OCRL: variants seen among roughly 807,000 people sequenced by gnomAD.
OCRL encodes the protein OCRL inositol polyphosphate-5-phosphatase.
Under a neutral mutation model 78.9 loss-of-function variants are expected in OCRL, and 8 were observed. The observed-to-expected ratio is 0.10, with a 90% CI of 0.06 to 0.18. OCRL has a LOEUF of 0.18. Among genes scored for constraint, OCRL ranks in the 10% least tolerant of loss-of-function variants. OCRL has a pLI of 1.00. For synonymous variants in OCRL, 240 were observed against 235.4 expected (o/e 1.02, Z -0.18); for missense variants, 454 against 696.7 (o/e 0.65, Z 3.92).
intron 8 of OCRL, 115 bp from the exon 9 acceptor site, chrX:129,560,435 A>T: frequency 2.1e-6 from 1 of 467,337 alleles, no homozygotes. Context: ...AAACATTTTG[A>T]GGAATTATGT....
At chrX:129,586,634 A>G (rs925749173) in intron 19 of OCRL, among the ~76,000 whole-genome samples, 5 of 112,308 alleles carry the variant, frequency 4.5e-5, no homozygotes, top group Non-Finnish European at 9.4e-5. Context: ...TGTATTGACA[A>G]TTGTAATTTA....
At chrX:129,584,231 C>A in intron 18 of OCRL, 113 bp from the exon 19 acceptor site, 2 of 606,827 alleles carry the variant, frequency 3.3e-6, no homozygotes, top group Non-Finnish European at 5.6e-6. Flanking sequence ...CTGTTTAAAG[C>A]ATGTATATCT....
chrX:129,554,983 AT>A lies in OCRL; in HGVS notation c.239-2341del, dbSNP rs1467346240. 5.0e-3 allele frequency among the ~76,000 whole-genome samples: 525 copies of A among 106,017 alleles called. 1 individual carries two copies. Among genetic ancestry groups the A allele is most frequent in the Middle Eastern group, 0.015 (3 of 205 alleles). 92.1% of individuals were successfully genotyped at this position (106,017 alleles called of 115,157 possible). On this transcript the variant is annotated intron_variant, in intron 4 of 23. Transcript: ENST00000371113. ...AATAAATAAATAAATAAATAAATAA[AT>A]AAATAAATAAATAAATAAAAATAAG...
At chrX:129,572,134 A>T (rs1303370378) in intron 15 of OCRL, among the ~76,000 whole-genome samples, 1 of 112,539 alleles carries the variant, frequency 8.9e-6, no homozygotes, top group Non-Finnish European at 1.9e-5. Flanking sequence ...TCACTATTGT[A>T]CTGGACAGTG....
intron 9 of OCRL, 34 bp from the exon 10 acceptor site, chrX:129,561,145 A>T: frequency 1.1e-6 from 1 of 885,449 alleles, no homozygotes; most frequent in Non-Finnish European, 1.7e-6. Context: ...TAATTATGGG[A>T]TATGTATAGA....
intron 18 of OCRL, among the ~76,000 whole-genome samples, chrX:129,581,824 T>C (rs1464162789): frequency 1.1e-5 from 1 of 93,003 alleles, no homozygotes; most frequent in Non-Finnish European, 2.0e-5. Context: ...GAATGATCCC[T>C]TTGTCTTTCT....
At chrX:129,573,396 G>T (rs933730704) in intron 15 of OCRL, among the ~76,000 whole-genome samples, 15 of 110,650 alleles carry the variant, frequency 1.4e-4, no homozygotes, top group African/African-American at 4.3e-4. Flanking sequence ...CCACTACCCC[G>T]AGTGGCCTGG....
chrX:129,541,924 T>A (rs1223938580), intron 2 of OCRL, among the ~76,000 whole-genome samples: 1 of 112,312 alleles, frequency 8.9e-6, no homozygotes, highest in Admixed American at 9.5e-5. Context: ...TAGTCAGCTC[T>A]ACTGGGAAGT....
In OCRL at chrX:129,560,627, A is replaced by G. The variant is rs759321277; in HGVS notation, c.800A>G (p.Asn267Ser). ...GAACCTTGGCTGAACTGTGATCCCA[A>G]TCCTCCTGATATCTACTGCATTGGG... ...GLEPWLNCDP[N>S]PPDIYCIGFQ... is the part of the protein sequence containing the mutation. The change falls in exon 9 of 24, where the codon AAT becomes AGT. Residue 267 changes from asparagine to serine, a missense_variant. Asn to Ser is a conservative substitution (Grantham distance 46). This residue lies in a region of OCRL where 277 missense variants were observed against 517.1 expected (regional missense o/e 0.54). Coordinates refer to ENST00000371113, the MANE Select transcript of OCRL (RefSeq NM_000276.4). The G allele has an allele frequency of 7.6e-6, 9 of 1,184,758 alleles. No individual in the cohort carries two copies. The highest frequency in any genetic ancestry group is 2.2e-5 in the Admixed American group (1 of 45,954).
At position 129,558,941 on chromosome X, in the gene OCRL, G is replaced by T. The variant is rs754471412; in HGVS notation, c.662G>T (p.Gly221Val). ...AATACCCAATCTGGGCAGCGGGAGG[G>T]TCTCATCAAACATATCCTGGCAAAG... is the stretch of plus-strand genomic sequence containing the variant. Reference protein sequence around the residue: ...VPNTQSGQREGLIKHILAKRE... With the variant: ...VPNTQSGQREVLIKHILAKRE... Residue 221 changes from glycine (G) to valine (V), a missense_variant, in exon 8 of 24, where the codon GGT (glycine) becomes GTT (valine). This residue lies in a region of OCRL where 177 missense variants were observed against 179.6 expected (regional missense o/e 0.99). Transcript: ENST00000371113. 2 of 1,211,329 alleles carry T rather than the reference G, an allele frequency of 1.7e-6. No individual in the cohort carries two copies.
At chrX:129,540,518 G>A (rs1158255083) in intron 1 of OCRL, 40 bp downstream of exon 1, 2 of 821,711 alleles carry the variant, frequency 2.4e-6, no homozygotes, top group East Asian at 3.6e-5. Context: ...GCCGCGCAGG[G>A]CCGGGGGTGG....
intron 5 of OCRL, 102 bp from the exon 6 acceptor site, chrX:129,557,759 G>A: frequency 1.6e-6 from 1 of 621,720 alleles, no homozygotes; most frequent in Non-Finnish European, 2.8e-6. Flanking sequence ...AATGGTGCTG[G>A]CCCCTGCATA....
chrX:129,559,146 C>G, intron 8 of OCRL, 145 bp downstream of exon 8: 4 of 531,465 alleles, frequency 7.5e-6, no homozygotes, highest in Non-Finnish European at 1.2e-5. Context: ...TGTCTCTATG[C>G]TGGCCAATAA....
In OCRL at chrX:129,581,233, C is replaced by T. The variant is rs904983003; in HGVS notation, c.2116-3111C>T. 7.7e-4 allele frequency among the ~76,000 whole-genome samples: 87 copies of T among 112,364 alleles called. 1 individual carries two copies. The highest frequency in any genetic ancestry group is 1.9e-4 in the Non-Finnish European group (10 of 53,286). Reference sequence around the variant, plus strand: ...TCTTTTATTTTAGCTGCATTTACCACGGGGAACAGTCTTCTGAGGGTGAAT... The same window carrying T: ...TCTTTTATTTTAGCTGCATTTACCATGGGGAACAGTCTTCTGAGGGTGAAT... On this transcript the variant is annotated intron_variant, in intron 18 of 23. Transcript: ENST00000371113.
rs746244009 is a variant in OCRL at position 129,540,378 on chromosome X, G to A, written c.-62G>A. ...CGAGGTGGGTGGGTGTGGGGACGCG[G>A]GAGCCAGTGTCGTCGGATCGGCCCG... On this transcript the variant is annotated 5_prime_UTR_variant, in exon 1 of 24. Transcript: ENST00000371113. The A allele has an allele frequency of 1.8e-6, 2 of 1,105,451 alleles. No individual in the cohort carries two copies. Among genetic ancestry groups the A allele is most frequent in the Non-Finnish European group, 2.4e-6 (2 of 828,640 alleles). The allele number at this position is 1,105,451 out of a possible 1,213,427, so 91.1% of individuals were successfully genotyped here.
At position 129,591,742 on chromosome X, in the gene OCRL, A is replaced by G. The variant is rs753823884; in HGVS notation, c.*1472A>G. The G allele has an allele frequency of 1.8e-5, 2 of 111,269 alleles. No homozygotes were observed. The highest frequency in any genetic ancestry group is 3.9e-4 in the South Asian group (1 of 2,567). The allele number at this position is 111,269 out of a possible 1,213,427, so 9.2% of individuals were successfully genotyped here. ...TGTTTCTTGGTGGGGGTGGGGGGGA[A>G]GGTACGTATTCTGCAATATGGCTAA... On this transcript the variant is annotated 3_prime_UTR_variant, in exon 24 of 24. Transcript: ENST00000371113.
intron 3 of OCRL, among the ~76,000 whole-genome samples, chrX:129,547,013 G>T (rs1002756219): frequency 9.0e-6 from 1 of 110,819 alleles, no homozygotes; most frequent in African/African-American, 3.3e-5. Context: ...GAGCCCAGGG[G>T]TTCAAGACCA....
chrX:129,576,231 G>T, intron 17 of OCRL, 86 bp from the exon 18 acceptor site: 1 of 977,311 alleles, frequency 1.0e-6, no homozygotes, highest in South Asian at 2.0e-5. Context: ...TTTTTTTAGA[G>T]GACACTTTTC....
At chrX:129,549,198 C>A (rs748188626) in intron 4 of OCRL, among the ~76,000 whole-genome samples, 10 of 111,981 alleles carry the variant, frequency 8.9e-5, no homozygotes, top group African/African-American at 3.2e-4. Context: ...TGTTTCCATT[C>A]TCTCATTTTT....
Sources: gnomAD v4.1 joint callset for allele counts (sites outside exome capture counted in the v4.1 genomes callset) on GRCh38, gnomAD v4.1.1 for gene constraint, gnomAD v4.1.1 regional missense constraint, MANE v1.5 for transcripts, NCBI Gene and HGNC (gene_info 2026-07-23, HGNC 2026-07-21) for gene names.